Variants in NR6A1 observed in about 807,000 individuals in gnomAD.
The protein encoded by NR6A1 is retinoic acid receptor-related testis-associated receptor.
Under a neutral mutation model 59.1 loss-of-function variants are expected in NR6A1, and 7 were observed. That is an observed-to-expected ratio of 0.12 (90% CI 0.07 to 0.22). The LOEUF is 0.22. NR6A1 is among the 10% of genes least tolerant of loss of function. The pLI, the probability that NR6A1 is intolerant of heterozygous loss-of-function variation, is 1.00. For missense variants in NR6A1, 468 were observed against 611.6 expected, an observed-to-expected ratio of 0.77 and a Z score of 2.48; for synonymous variants, 243 against 236.1, an observed-to-expected ratio of 1.03 and a Z score of -0.27.
chr9:124,646,112 G>A (rs1836921111), intron 2 of NR6A1, among the ~76,000 whole-genome samples: 1 of 152,148 alleles, frequency 6.6e-6, no homozygotes, highest in Non-Finnish European at 1.5e-5. Context: ...TGCAATGAAA[G>A]TAGTGCTTGG....
intron 3 of NR6A1, 57 bp downstream of exon 3, chr9:124,554,271 A>G: frequency 1.2e-6 from 2 of 1,612,014 alleles, no homozygotes; most frequent in South Asian, 1.1e-5. Flanking sequence ...AACAGCTGAC[A>G]CTAAAGGTAA....
At chr9:124,708,053 C>G (rs777425751) in intron 2 of NR6A1, among the ~76,000 whole-genome samples, 3 of 152,140 alleles carry the variant, frequency 2.0e-5, no homozygotes, top group African/African-American at 7.2e-5. Flanking sequence ...CCAGGATATT[C>G]GGAGAGCTTA....
At chr9:124,639,897 T>C (rs1251445584) in intron 2 of NR6A1, among the ~76,000 whole-genome samples, 1 of 152,150 alleles carries the variant, frequency 6.6e-6, no homozygotes, top group Non-Finnish European at 1.5e-5. Context: ...AATTAGTATA[T>C]ACAACATTAG....
rs113347976 is a variant in NR6A1 at position 124,764,044 on chromosome 9, C to T, written c.100+6976G>A. On this transcript the variant is annotated intron_variant, in intron 1 of 9. Coordinates refer to ENST00000487099, the MANE Select transcript of NR6A1 (RefSeq NM_033334.4). ...ACTAAAAACACAAAAATTAGCTGGGCATGGTGGTGGATGCCTGTAATCCCA... is the reference window on the plus strand; with the variant it reads ...ACTAAAAACACAAAAATTAGCTGGGTATGGTGGTGGATGCCTGTAATCCCA... 4.6e-3 allele frequency among the ~76,000 whole-genome samples: 706 copies of T among 152,058 alleles called. 4 individuals carry two copies. The highest frequency in any genetic ancestry group is 0.016 in the African/African-American group (652 of 41,468).
At chr9:124,679,895 T>C (rs1838083563) in intron 2 of NR6A1, among the ~76,000 whole-genome samples, 2 of 141,346 alleles carry the variant, frequency 1.4e-5, no homozygotes, top group South Asian at 2.2e-4. Flanking sequence ...AGGTTCCATC[T>C]CAAAGAGAAA....
chr9:124,522,624 GTC>G lies in NR6A1; in HGVS notation c.*79_*80del. ...ATGCTGCTCCACAGCCTCCATCTTG[GTC>G]TCTCTGGCTTTTCCCTCCAGAGCCT... On this transcript the variant is annotated 3_prime_UTR_variant, in exon 10 of 10. Transcript: ENST00000487099. 1.8e-6 allele frequency: 2 copies of G among 1,099,938 alleles called. No homozygotes were observed. Among genetic ancestry groups the G allele is most frequent in the Non-Finnish European group, 2.7e-6 (2 of 749,728 alleles). 68.1% of individuals were successfully genotyped at this position (1,099,938 alleles called of 1,614,324 possible).
intron 2 of NR6A1, among the ~76,000 whole-genome samples, chr9:124,647,659 G>A (rs1020291252): frequency 4.0e-5 from 6 of 150,552 alleles, no homozygotes; most frequent in African/African-American, 9.8e-5. Context: ...CCTGGGAATC[G>A]GAGGTTGCAG....
intron 2 of NR6A1, among the ~76,000 whole-genome samples, chr9:124,694,094 T>A (rs1161560104): frequency 6.6e-6 from 1 of 152,158 alleles, no homozygotes; most frequent in African/African-American, 2.4e-5. Flanking sequence ...ATTTAGAAAT[T>A]CAAATACAAA....
chr9:124,553,950 G>A (rs1010163918), intron 3 of NR6A1, among the ~76,000 whole-genome samples: 5 of 151,914 alleles, frequency 3.3e-5, no homozygotes, highest in South Asian at 2.1e-4. Flanking sequence ...TGAGTACACC[G>A]TGGTTCTAGC....
chr9:124,632,257 T>C (rs908501354), intron 2 of NR6A1, among the ~76,000 whole-genome samples: 1 of 152,220 alleles, frequency 6.6e-6, no homozygotes, highest in South Asian at 2.1e-4. Context: ...TCTTCCACAA[T>C]AGTTGAACTA....
At chr9:124,644,271 C>T (rs112567169) in intron 2 of NR6A1, among the ~76,000 whole-genome samples, 73 of 96,732 alleles carry the variant, frequency 7.5e-4, no homozygotes, top group South Asian at 1.3e-3. Context: ...ATTAAGTCTT[C>T]TTTTTTTTTT....
chr9:124,613,425 T>C (rs1054883725), intron 2 of NR6A1, among the ~76,000 whole-genome samples: 5 of 152,070 alleles, frequency 3.3e-5, no homozygotes, highest in African/African-American at 1.2e-4. Context: ...GGTGGGCAGA[T>C]TGCTTGAGCC....
At chr9:124,721,390 C>T (rs1010199619) in intron 2 of NR6A1, among the ~76,000 whole-genome samples, 1 of 152,200 alleles carries the variant, frequency 6.6e-6, no homozygotes, top group African/African-American at 2.4e-5. Context: ...CAGAAGGGAA[C>T]TCCTCAGCAA....
intron 2 of NR6A1, among the ~76,000 whole-genome samples, chr9:124,689,434 A>AGG (rs1347947015): frequency 2.0e-5 from 3 of 152,240 alleles, no homozygotes; most frequent in Admixed American, 6.5e-5. Flanking sequence ...AAGAAGGCCA[A>AGG]AGAATCATCC....
chr9:124,662,063 A>G (rs1837453623), intron 2 of NR6A1, among the ~76,000 whole-genome samples: 1 of 151,708 alleles, frequency 6.6e-6, no homozygotes, highest in South Asian at 2.1e-4. Context: ...CTTGAGAAAT[A>G]CCTTTAAAAA....
chr9:124,634,754 G>A (rs753259505), intron 2 of NR6A1, among the ~76,000 whole-genome samples: 34 of 152,108 alleles, frequency 2.2e-4, no homozygotes, highest in Admixed American at 1.2e-3. Flanking sequence ...CTCAGGAGGC[G>A]GAGTTTGCAA....
chr9:124,608,301 A>G (rs10818981), intron 2 of NR6A1, among the ~76,000 whole-genome samples: 150,659 of 150,938 alleles, frequency 1, 75,190 homozygotes, highest in South Asian at 1. Context: ...TCCCTCCCCC[A>G]CCCCCAACAG....
intron 2 of NR6A1, among the ~76,000 whole-genome samples, chr9:124,588,136 A>G (rs974320512): frequency 6.6e-6 from 1 of 152,210 alleles, no homozygotes; most frequent in Non-Finnish European, 1.5e-5. Flanking sequence ...TCTTGTCAGC[A>G]TATGATATAT....
At chr9:124,688,773 A>G (rs1465393035) in intron 2 of NR6A1, among the ~76,000 whole-genome samples, 1 of 152,190 alleles carries the variant, frequency 6.6e-6, no homozygotes, top group Non-Finnish European at 1.5e-5. Flanking sequence ...GTGATAAATG[A>G]GTTCCTGGAT....
Sources: gnomAD v4.1 joint callset for allele counts (sites outside exome capture counted in the v4.1 genomes callset) on GRCh38, gnomAD v4.1.1 for gene constraint, MANE v1.5 for transcripts, NCBI Gene and HGNC (gene_info 2026-07-23, HGNC 2026-07-21) for gene names.